LUZP2: variants seen among roughly 807,000 people sequenced by gnomAD.
The protein encoded by LUZP2 is leucine zipper protein 2.
A neutral mutation model predicts 51.6 loss-of-function variants in LUZP2; 52 were observed. That is an observed-to-expected ratio of 1.01 (90% CI 0.81 to 1.27). The LOEUF is 1.27. Among genes scored for constraint, LUZP2 ranks in the 50% most tolerant of loss-of-function variants. The pLI, the probability that LUZP2 is intolerant of heterozygous loss-of-function variation, is 0.00. For synonymous variants in LUZP2, 154 were observed against 137.3 expected, an observed-to-expected ratio of 1.12 and a Z score of -0.85; for missense variants, 436 against 395.4, an observed-to-expected ratio of 1.10 and a Z score of -0.87.
chr11:24,939,946 T>C (rs1443363406), intron 7 of LUZP2, among the ~76,000 whole-genome samples: 1 of 152,122 alleles, frequency 6.6e-6, no homozygotes, highest in Non-Finnish European at 1.5e-5. Context: ...TTGCAGCCAA[T>C]GAGGGCTGGC....
intron 5 of LUZP2, among the ~76,000 whole-genome samples, chr11:24,805,282 C>A (rs1274368443): frequency 6.6e-6 from 1 of 152,022 alleles, no homozygotes; most frequent in Admixed American, 6.6e-5. Context: ...GAGAACAGCA[C>A]AGGAAAGACC....
intron 11 of LUZP2, among the ~76,000 whole-genome samples, 167 bp downstream of exon 11, chr11:25,077,573 C>T (rs1181652304): frequency 6.6e-6 from 1 of 151,586 alleles, no homozygotes; most frequent in East Asian, 1.9e-4. Context: ...AATCTCGGCT[C>T]ACTGCAAACT....
chr11:24,866,538 G>A (rs1385981074), intron 5 of LUZP2, among the ~76,000 whole-genome samples: 1 of 137,654 alleles, frequency 7.3e-6, no homozygotes, highest in Non-Finnish European at 1.6e-5. Context: ...CTTTTTTTTT[G>A]TAAAATAGCA....
intron 5 of LUZP2, among the ~76,000 whole-genome samples, chr11:24,811,397 T>C (rs1192189667): frequency 3.9e-5 from 6 of 152,184 alleles, no homozygotes; most frequent in African/African-American, 1.4e-4. Context: ...ATTTCTGATA[T>C]TGCTTCTAGC....
chr11:24,550,805 G>A (rs567804753), intron 1 of LUZP2, among the ~76,000 whole-genome samples: 25 of 152,150 alleles, frequency 1.6e-4, no homozygotes, highest in African/African-American at 6.0e-4. Context: ...CAGGAACAGT[G>A]GCTTATACCT....
chr11:24,935,031 C>G (rs1565130707), intron 7 of LUZP2, among the ~76,000 whole-genome samples: 2 of 152,062 alleles, frequency 1.3e-5, no homozygotes, highest in Admixed American at 6.6e-5. Flanking sequence ...AAATAATGTA[C>G]AAGAATAAGG....
intron 1 of LUZP2, among the ~76,000 whole-genome samples, chr11:24,628,698 A>G (rs529470689): frequency 6.6e-6 from 1 of 152,254 alleles, no homozygotes; most frequent in African/African-American, 2.4e-5. Context: ...AGCTGGGATT[A>G]AAGCCACACA....
intron 1 of LUZP2, among the ~76,000 whole-genome samples, chr11:24,722,760 T>C (rs1265408864): frequency 6.6e-6 from 1 of 151,618 alleles, no homozygotes; most frequent in Non-Finnish European, 1.5e-5. Flanking sequence ...CTACTGTAAA[T>C]ACAAAAATTA....
At chr11:24,982,594 G>T (rs547680287) in intron 8 of LUZP2, among the ~76,000 whole-genome samples, 1 of 151,872 alleles carries the variant, frequency 6.6e-6, no homozygotes, top group East Asian at 1.9e-4. Context: ...GGATGCTGGG[G>T]TCTACTTGAG....
At chr11:24,528,683 C>A (rs1850896451) in intron 1 of LUZP2, among the ~76,000 whole-genome samples, 1 of 151,018 alleles carries the variant, frequency 6.6e-6, no homozygotes, top group African/African-American at 2.4e-5. Context: ...TATGGAGTGG[C>A]CATAACAAAG....
intron 1 of LUZP2, among the ~76,000 whole-genome samples, chr11:24,643,905 A>T (rs929030655): frequency 6.6e-6 from 1 of 152,198 alleles, no homozygotes; most frequent in Non-Finnish European, 1.5e-5. Context: ...TTAATAGAGT[A>T]TTCTTCCTTT....
chr11:25,038,718 A>G (rs925534802), intron 9 of LUZP2, among the ~76,000 whole-genome samples: 5 of 152,172 alleles, frequency 3.3e-5, no homozygotes, highest in African/African-American at 1.2e-4. Flanking sequence ...GTAAGGGGAC[A>G]CTGGCTTTTT....
chr11:25,045,307 A>T (rs1447596352), intron 9 of LUZP2, among the ~76,000 whole-genome samples: 1 of 151,912 alleles, frequency 6.6e-6, no homozygotes, highest in Non-Finnish European at 1.5e-5. Context: ...ACAGTAGTAA[A>T]CCAGACAACC....
At chr11:24,497,368 T>C in intron 1 of LUZP2, 63 bp downstream of exon 1, 10 of 1,310,556 alleles carry the variant, frequency 7.6e-6, no homozygotes, top group Non-Finnish European at 1.0e-5. Context: ...TTGGTCCTAC[T>C]GTGGGTCACC....
chr11:24,896,073 C>T (rs984185805), intron 5 of LUZP2, among the ~76,000 whole-genome samples: 2 of 152,176 alleles, frequency 1.3e-5, no homozygotes, highest in Non-Finnish European at 2.9e-5. Context: ...TTTTGATTTG[C>T]ATTTCTCTGA....
intron 1 of LUZP2, among the ~76,000 whole-genome samples, chr11:24,682,951 C>A (rs187299146): frequency 1.3e-5 from 2 of 152,006 alleles, no homozygotes; most frequent in Non-Finnish European, 2.9e-5. Flanking sequence ...TTGCAGTGAG[C>A]CGAGATCAGC....
At chr11:25,078,090 CAGAGGAGGTGAAAAGAAGTACATAT>C (rs1859367527) in intron 11 of LUZP2, among the ~76,000 whole-genome samples, 1 of 152,240 alleles carries the variant, frequency 6.6e-6, no homozygotes, top group African/African-American at 2.4e-5. Flanking sequence ...TTTGAGGAAG[CAGAGGAGGTGAAAAGAAGTACATAT>C]TACTTACAAG....
chr11:24,818,433 T>C (rs1468915816), intron 5 of LUZP2, among the ~76,000 whole-genome samples: 3 of 152,090 alleles, frequency 2.0e-5, no homozygotes, highest in African/African-American at 7.2e-5. Flanking sequence ...ACATGTCACT[T>C]ACTCTTCTGA....
At chr11:24,536,732 G>A (rs1348925167) in intron 1 of LUZP2, among the ~76,000 whole-genome samples, 3 of 151,864 alleles carry the variant, frequency 2.0e-5, no homozygotes, top group African/African-American at 7.2e-5. Flanking sequence ...CACTGGAGTA[G>A]CACTTTTAAT....
Sources: gnomAD v4.1 joint callset for allele counts (sites outside exome capture counted in the v4.1 genomes callset) on GRCh38, gnomAD v4.1.1 for gene constraint, MANE v1.5 for transcripts, NCBI Gene and HGNC (gene_info 2026-07-23, HGNC 2026-07-21) for gene names.